The following ADAMTSL3 variants were observed in gnomAD, a reference collection of about 807,000 sequenced individuals.
ADAMTSL3 encodes ADAMTS-like protein 3.
In ADAMTSL3, 128 loss-of-function variants were observed where a neutral mutation model predicts 201.7. That is an observed-to-expected ratio of 0.63 (90% CI 0.55 to 0.73). The LOEUF is 0.73. ADAMTSL3 is among the 30% of genes least tolerant of loss of function. The pLI is 0.00. For synonymous variants in ADAMTSL3, 738 were observed against 748.4 expected (o/e 0.99, Z 0.23); for missense variants, 1,990 against 2,119.6 (o/e 0.94, Z 1.20).
intron 3 of ADAMTSL3, among the ~76,000 whole-genome samples, chr15:83,718,634 C>A (rs1182847438): frequency 3.4e-5 from 5 of 148,630 alleles, no homozygotes; most frequent in Non-Finnish European, 7.4e-5. Context: ...GAGGTTGCCG[C>A]GAGCTGAGAT....
chr15:83,745,568 C>T (rs2062531947), intron 3 of ADAMTSL3, among the ~76,000 whole-genome samples: 1 of 152,098 alleles, frequency 6.6e-6, no homozygotes, highest in African/African-American at 2.4e-5. Context: ...TGCCCCGGCT[C>T]CTGCACCTGC....
chr15:83,879,502 G>T (rs2065234841), intron 9 of ADAMTSL3, among the ~76,000 whole-genome samples: 1 of 151,796 alleles, frequency 6.6e-6, no homozygotes, highest in African/African-American at 2.4e-5. Context: ...TATATTCTTT[G>T]ACTTGTAGAT....
chr15:83,931,142 A>G (rs558781248), intron 17 of ADAMTSL3, among the ~76,000 whole-genome samples: 1 of 152,348 alleles, frequency 6.6e-6, no homozygotes, highest in Non-Finnish European at 1.5e-5. Flanking sequence ...TTGTAGAAGC[A>G]TGCTGGGTTA....
chr15:83,863,857 A>G (rs541519221), intron 8 of ADAMTSL3, among the ~76,000 whole-genome samples: 14 of 152,346 alleles, frequency 9.2e-5, no homozygotes, highest in Non-Finnish European at 1.6e-4. Flanking sequence ...AACAAAATTG[A>G]TAGACTGCTA....
chr15:84,024,069 C>G (rs1243509947), intron 26 of ADAMTSL3, among the ~76,000 whole-genome samples: 1 of 152,138 alleles, frequency 6.6e-6, no homozygotes, highest in African/African-American at 2.4e-5. Context: ...TCTTGGCTAA[C>G]ACGGTGAAAC....
chr15:83,789,170 C>A (rs547180455), intron 4 of ADAMTSL3, among the ~76,000 whole-genome samples: 1 of 152,150 alleles, frequency 6.6e-6, no homozygotes, highest in Non-Finnish European at 1.5e-5. Flanking sequence ...TTCCAGTTTT[C>A]TCTTTGTTCA....
At chr15:83,818,551 T>A (rs1356565518) in intron 5 of ADAMTSL3, among the ~76,000 whole-genome samples, 1 of 152,180 alleles carries the variant, frequency 6.6e-6, no homozygotes, top group Non-Finnish European at 1.5e-5. Context: ...GGTCTGGAGC[T>A]CCTGACCTCA....
At chr15:84,002,469 C>T (rs928820148) in intron 23 of ADAMTSL3, among the ~76,000 whole-genome samples, 1 of 152,174 alleles carries the variant, frequency 6.6e-6, no homozygotes, top group East Asian at 1.9e-4. Context: ...AATGTTTAAC[C>T]TATCACATGG....
intron 7 of ADAMTSL3, among the ~76,000 whole-genome samples, chr15:83,846,401 G>A (rs911003140): frequency 2.6e-5 from 4 of 152,206 alleles, no homozygotes; most frequent in Non-Finnish European, 5.9e-5. Context: ...GAGTTCATGT[G>A]CTTAACCACC....
chr15:83,691,737 C>G (rs890489820), intron 2 of ADAMTSL3, among the ~76,000 whole-genome samples: 2 of 152,184 alleles, frequency 1.3e-5, no homozygotes, highest in African/African-American at 4.8e-5. Context: ...GCCTCAGCCT[C>G]CCGAGTAGCT....
intron 10 of ADAMTSL3, among the ~76,000 whole-genome samples, 186 bp from the exon 11 acceptor site, chr15:83,889,923 C>A (rs984743371): frequency 6.6e-6 from 1 of 151,938 alleles, no homozygotes; most frequent in African/African-American, 2.4e-5. Flanking sequence ...TTAATTGGAC[C>A]ATGAAGGAAC....
intron 6 of ADAMTSL3, among the ~76,000 whole-genome samples, chr15:83,825,692 T>A (rs898073652): frequency 2.0e-5 from 3 of 152,064 alleles, no homozygotes; most frequent in African/African-American, 7.2e-5. Flanking sequence ...AGGTGATGTT[T>A]GGACACTGAG....
intron 2 of ADAMTSL3, among the ~76,000 whole-genome samples, chr15:83,669,778 A>G (rs1375720693): frequency 6.6e-6 from 1 of 151,774 alleles, no homozygotes; most frequent in Non-Finnish European, 1.5e-5. Flanking sequence ...AGGAGTGAGT[A>G]TTTTTGAAAA....
chr15:83,806,690 C>A (rs768838715), intron 5 of ADAMTSL3, among the ~76,000 whole-genome samples: 1 of 151,944 alleles, frequency 6.6e-6, no homozygotes, highest in Non-Finnish European at 1.5e-5. Flanking sequence ...TCTGTCTCTA[C>A]GAAAAATACA....
chr15:83,892,427 G>A (rs2065523220), intron 12 of ADAMTSL3, among the ~76,000 whole-genome samples: 1 of 151,438 alleles, frequency 6.6e-6, no homozygotes, highest in South Asian at 2.1e-4. Flanking sequence ...CTACTAGGGA[G>A]GCTGAGGCAG....
chr15:83,763,509 T>A (rs1045957769), intron 3 of ADAMTSL3, among the ~76,000 whole-genome samples: 1 of 150,070 alleles, frequency 6.7e-6, no homozygotes, highest in Non-Finnish European at 1.5e-5. Context: ...AATAATTCTT[T>A]TTTTTTTTTT....
chr15:83,988,143 C>T (rs2067514684), intron 21 of ADAMTSL3, among the ~76,000 whole-genome samples: 1 of 152,128 alleles, frequency 6.6e-6, no homozygotes, highest in Admixed American at 6.5e-5. Context: ...TAATTCTTAA[C>T]AGCATGGTCC....
At chr15:83,757,939 C>T (rs934712241) in intron 3 of ADAMTSL3, among the ~76,000 whole-genome samples, 1 of 152,164 alleles carries the variant, frequency 6.6e-6, no homozygotes, top group Non-Finnish European at 1.5e-5. Context: ...CAACAAGTTC[C>T]TCATCTCTAT....
At chr15:83,824,820 CT>C in intron 6 of ADAMTSL3, 1 of 151,956 alleles carries the variant, frequency 6.6e-6, no homozygotes. Flanking sequence ...GGCTTGATAG[CT>C]CATTTCCTTT....
Sources: allele counts gnomAD v4.1 joint callset (sites outside exome capture counted in the v4.1 genomes callset), GRCh38; gene constraint gnomAD v4.1.1; transcripts MANE v1.5; gene names NCBI Gene and HGNC (gene_info 2026-07-23, HGNC 2026-07-21).